The following TET2 variants were observed in gnomAD, a reference collection of about 807,000 sequenced individuals.
The protein encoded by TET2 is tet methylcytosine dioxygenase 2, also known as methylcytosine dioxygenase TET2.
TET2 carries 299 observed loss-of-function variants against 142.9 expected under a neutral mutation model. The ratio of observed to expected loss-of-function variants is 2.09; its 90% confidence interval spans 1.90 to 2.30. The LOEUF is 2.30. Among genes scored for constraint, TET2 ranks in the 30% most tolerant of loss-of-function variants. The pLI, the probability that TET2 is intolerant of heterozygous loss-of-function variation, is 0.00. For synonymous variants in TET2, 819 were observed against 849.0 expected (o/e 0.96, Z 0.61); for missense variants, 2,418 against 2,378.0 (o/e 1.02, Z -0.35).
rs780204001 is a variant in TET2, at chr4:105,234,405, GC to G, written c.466del (p.Gln156LysfsTer27). Reference protein sequence around the residue: ...SDKKESVSSVAQENAVKDFTS... With the variant: ...SDKKESVSSVXQENAVKDFTS... The stretch of plus-strand genomic sequence containing the variant: ...TAAGAAAGAATCTGTGAGTTCTGTA[GC>G]CCAAGAAAATGCAGTTAAAGATTTC... On this transcript the variant is annotated frameshift_variant, in exon 3 of 11. Transcript: ENST00000380013. LOFTEE classifies it high-confidence loss of function. 6.2e-7 allele frequency: 1 copy of G among 1,614,034 alleles called. No homozygotes were observed. Among genetic ancestry groups the G allele is most frequent in the Non-Finnish European group, 8.5e-7 (1 of 1,180,004 alleles).
chr4:105,222,989 T>C (rs903682004), intron 2 of TET2, among the ~76,000 whole-genome samples: 1 of 152,226 alleles, frequency 6.6e-6, no homozygotes, highest in Non-Finnish European at 1.5e-5. Context: ...TCCCCATTTC[T>C]TGTTTTTCTC....
At chr4:105,261,070 CT>C (rs537773871) in intron 7 of TET2, among the ~76,000 whole-genome samples, 48 of 145,938 alleles carry the variant, frequency 3.3e-4, no homozygotes, top group Admixed American at 4.1e-4. Context: ...TGTCTCACAA[CT>C]TTTTTTTTTT....
chr4:105,201,762 AC>A (rs1347317062), intron 2 of TET2, among the ~76,000 whole-genome samples: 2 of 82,358 alleles, frequency 2.4e-5, no homozygotes, highest in African/African-American at 1.0e-4. Context: ...TTTTTTTCAG[AC>A]AGGGTTTCAC....
At chr4:105,269,792 C>T (rs970646272) in intron 9 of TET2, 45 bp downstream of exon 9, 1 of 1,542,404 alleles carries the variant, frequency 6.5e-7, no homozygotes, top group Non-Finnish European at 8.8e-7. Flanking sequence ...AGTCTGTTCT[C>T]ACACTGCTAA....
At chr4:105,269,507 C>A in intron 8 of TET2, 103 bp from the exon 9 acceptor site, 1 of 1,263,006 alleles carries the variant, frequency 7.9e-7, no homozygotes, top group Non-Finnish European at 1.1e-6. Context: ...TATTTAAGTT[C>A]AAAACATTTT....
At chr4:105,214,301 ATTTT>A (rs35390923) in intron 2 of TET2, among the ~76,000 whole-genome samples, 2 of 86,034 alleles carry the variant, frequency 2.3e-5, no homozygotes, top group Non-Finnish European at 4.2e-5. Context: ...CCCGAGGGAG[ATTTT>A]TTTTTTTTTT....
intron 3 of TET2, 126 bp from the exon 4 acceptor site, chr4:105,241,213 G>GA (rs555182059): frequency 1.9e-4 from 256 of 1,334,030 alleles, no homozygotes; most frequent in South Asian, 5.5e-4. Flanking sequence ...TCATTTTAAA[G>GA]AAAAAAAAAT....
chr4:105,158,216 A>G (rs968203758), intron 1 of TET2, among the ~76,000 whole-genome samples: 4 of 152,200 alleles, frequency 2.6e-5, no homozygotes, highest in African/African-American at 7.2e-5. Flanking sequence ...TAAAAATACA[A>G]TGAGTTTAAT....
At chr4:105,232,382 G>A (rs549324330) in intron 2 of TET2, among the ~76,000 whole-genome samples, 135 of 152,118 alleles carry the variant, frequency 8.9e-4, no homozygotes, top group Non-Finnish European at 1.6e-3. Flanking sequence ...GTAATATGCC[G>A]AATAATGGGA....
chr4:105,241,482 C>T, intron 4 of TET2, 53 bp downstream of exon 4: 1 of 1,511,106 alleles, frequency 6.6e-7, no homozygotes, highest in Non-Finnish European at 8.8e-7. Flanking sequence ...TTGTATATGT[C>T]AGAATTTTTC....
At position 105,211,665 on chromosome 4, in the gene TET2, C is replaced by A. The variant is rs183100651; in HGVS notation, c.-47+21160C>A. On this transcript the variant is annotated intron_variant, in intron 2 of 10. Coordinates refer to ENST00000380013, the MANE Select transcript of TET2 (RefSeq NM_001127208.3). Reference sequence around the variant, plus strand: ...GCTGGCTGAAAGAGAACAAGAAAGGCTGTAAGGTGGAGGTGAATTTTTAAT... The same window carrying A: ...GCTGGCTGAAAGAGAACAAGAAAGGATGTAAGGTGGAGGTGAATTTTTAAT... Among the ~76,000 whole-genome samples the A allele has an allele frequency of 1.5e-4, 23 of 152,148 alleles. No individual in the cohort carries two copies. The East Asian group carries it at 3.7e-3, about 24-fold the overall frequency.
At chr4:105,227,062 T>G (rs890958421) in intron 2 of TET2, among the ~76,000 whole-genome samples, 4 of 152,200 alleles carry the variant, frequency 2.6e-5, no homozygotes, top group African/African-American at 4.8e-5. Context: ...GAACCAGTTC[T>G]CAAGAGCACA....
Position 105,242,874 on chromosome 4 carries a change from A to C in TET2, c.3541A>C (p.Ile1181Leu). The C allele has an allele frequency of 6.4e-7, 1 of 1,551,526 alleles. No individual in the cohort carries two copies. The highest frequency in any genetic ancestry group is 8.7e-7 in the Non-Finnish European group (1 of 1,146,922). ...TAAAGCTATTAGGATTGAAAGAGTC[A>C]TCTATACTGGTAAAGAAGGCAAAAG... ...KGKAIRIERV[I>L]YTGKEGKSSQ... Residue 1181 changes from isoleucine (I) to leucine (L), a missense_variant, in exon 5 of 11, where the codon ATC (isoleucine) becomes CTC (leucine). Ile to Leu is a conservative substitution (Grantham distance 5). Coordinates refer to ENST00000380013, the MANE Select transcript of TET2 (RefSeq NM_001127208.3).
At chr4:105,191,321 G>A (rs766228987) in intron 2 of TET2, among the ~76,000 whole-genome samples, 1 of 152,186 alleles carries the variant, frequency 6.6e-6, no homozygotes, top group Non-Finnish European at 1.5e-5. Flanking sequence ...CCTAAGGGTT[G>A]TCAGACCATT....
At chr4:105,215,725 T>C (rs1169384461) in intron 2 of TET2, among the ~76,000 whole-genome samples, 3 of 152,146 alleles carry the variant, frequency 2.0e-5, no homozygotes, top group African/African-American at 7.2e-5. Context: ...TTATCTGCAG[T>C]GATTTTACCA....
chr4:105,209,175 A>G (rs1199287204), intron 2 of TET2, among the ~76,000 whole-genome samples: 1 of 146,256 alleles, frequency 6.8e-6, no homozygotes, highest in Non-Finnish European at 1.5e-5. Context: ...TTATCCATTC[A>G]CTTTTGGTGT....
upstream of TET2, chr4:105,146,304 C>T (rs908342334): frequency 1.3e-5 from 2 of 152,650 alleles, no homozygotes; most frequent in Admixed American, 6.5e-5. Flanking sequence ...CGTGCCATCC[C>T]AACCTCCCAC....
chr4:105,150,630 A>ATTTC (rs1723250224), intron 1 of TET2, among the ~76,000 whole-genome samples: 1 of 152,370 alleles, frequency 6.6e-6, no homozygotes, highest in South Asian at 2.1e-4. Context: ...ACTGTGGGAA[A>ATTTC]GACCAGTTGC....
intron 1 of TET2, among the ~76,000 whole-genome samples, chr4:105,189,926 T>C (rs1358265886): frequency 6.6e-6 from 1 of 152,184 alleles, no homozygotes; most frequent in Non-Finnish European, 1.5e-5. Flanking sequence ...TTAATGATTC[T>C]CAATCCTGAC....
Sources: allele counts gnomAD v4.1 joint callset (sites outside exome capture counted in the v4.1 genomes callset), GRCh38; gene constraint gnomAD v4.1.1; transcripts MANE v1.5; gene names NCBI Gene and HGNC (gene_info 2026-07-23, HGNC 2026-07-21).